Variants in UXS1 observed in about 807,000 individuals in gnomAD.
UXS1 encodes the protein UDP-glucuronate decarboxylase 1.
In UXS1, 33 loss-of-function variants were observed where a neutral mutation model predicts 62.6. The ratio of observed to expected loss-of-function variants is 0.53; its 90% CI spans 0.40 to 0.70. UXS1 has a LOEUF of 0.70. Among genes scored for constraint, UXS1 ranks in the 30% least tolerant of loss-of-function variants. UXS1 has a pLI of 0.00. For synonymous variants in UXS1, 213 were observed against 206.8 expected (o/e 1.03, Z -0.26); for missense variants, 434 against 556.3 (o/e 0.78, Z 2.21).
At chr2:106,182,580 G>T (rs532953585) in intron 1 of UXS1, among the ~76,000 whole-genome samples, 211 of 152,294 alleles carry the variant, frequency 1.4e-3, no homozygotes, top group African/African-American at 4.9e-3. Context: ...GAAAGAAGGT[G>T]AGAGAGGGAT....
intron 2 of UXS1, 31 bp downstream of exon 2, chr2:106,166,025 C>T: frequency 6.2e-7 from 1 of 1,603,982 alleles, no homozygotes; most frequent in East Asian, 2.2e-5. Context: ...TAAAATCCAA[C>T]CACAGTACCC....
chr2:106,130,422 C>A (rs568174531), intron 6 of UXS1, among the ~76,000 whole-genome samples: 9 of 152,284 alleles, frequency 5.9e-5, no homozygotes, highest in African/African-American at 2.2e-4. Flanking sequence ...CCTCGGGGAC[C>A]AACCTCTCCC....
At chr2:106,156,938 A>G (rs187187088) in intron 5 of UXS1, among the ~76,000 whole-genome samples, 1 of 152,370 alleles carries the variant, frequency 6.6e-6, no homozygotes, top group Admixed American at 6.5e-5. Context: ...ATACTGATAC[A>G]AGCTACAACA....
intron 1 of UXS1, among the ~76,000 whole-genome samples, chr2:106,171,520 G>A (rs1436887787): frequency 6.6e-6 from 1 of 152,172 alleles, no homozygotes; most frequent in African/African-American, 2.4e-5. Flanking sequence ...CCGAACAAAT[G>A]AAAAACCATC....
Position 106,129,702 on chromosome 2 carries a change from G to C in UXS1, c.549C>G (p.Thr183=). Residue 183 remains threonine, a synonymous_variant, in exon 7 of 15, where the codon ACC becomes ACG. Coordinates refer to ENST00000283148, the MANE Select transcript of UXS1 (RefSeq NM_001253875.2). ...ACATGTTTAATGTCCCAATCGTATTGGTCTTTAATGTCTTGATAGGATTAT... is the reference window on the plus strand; with the variant it reads ...ACATGTTTAATGTCCCAATCGTATTCGTCTTTAATGTCTTGATAGGATTAT... ...YMYNPIKTLK[T]NTIGTLNMLG... The C allele has an allele frequency of 6.2e-7, 1 of 1,612,026 alleles. No individual in the cohort carries two copies. The highest frequency in any genetic ancestry group is 1.3e-5 in the African/African-American group (1 of 74,992).
At chr2:106,099,676 G>C (rs1677424440) in intron 12 of UXS1, among the ~76,000 whole-genome samples, 1 of 152,172 alleles carries the variant, frequency 6.6e-6, no homozygotes. Flanking sequence ...GAAGAGCCTG[G>C]CTGCCCAGGG....
At chr2:106,153,125 A>G (rs1362074503) in intron 5 of UXS1, among the ~76,000 whole-genome samples, 1 of 152,206 alleles carries the variant, frequency 6.6e-6, no homozygotes, top group Non-Finnish European at 1.5e-5. Context: ...ATAAAAAGCT[A>G]AATCCGAGGC....
intron 1 of UXS1, among the ~76,000 whole-genome samples, chr2:106,191,509 A>G (rs1416682042): frequency 1.3e-5 from 2 of 152,140 alleles, no homozygotes; most frequent in Non-Finnish European, 2.9e-5. Flanking sequence ...CCTTATTAAC[A>G]CTGCCTCCAC....
At chr2:106,173,420 G>A (rs1683685966) in intron 1 of UXS1, among the ~76,000 whole-genome samples, 1 of 152,282 alleles carries the variant, frequency 6.6e-6, no homozygotes, top group Admixed American at 6.5e-5. Context: ...TGGGCATGGT[G>A]GCACACACCT....
chr2:106,094,069 G>C lies in UXS1; in HGVS notation c.1235C>G (p.Pro412Arg), dbSNP rs758535566. Reference protein sequence around the residue: ...YQANNQYIPKPKPARIKKGRT... With the variant: ...YQANNQYIPKRKPARIKKGRT... ...TCCTTTCTTTATTCTGGCAGGCTTT[G>C]GTTTGGGGATGTACTGATTATTTGC... Residue 412 changes from proline to arginine, a missense_variant, in exon 15 of 15, where the codon CCA (proline) becomes CGA (arginine). Pro to Arg is a moderately radical substitution (Grantham distance 103). Around this residue, in one of 3 missense-constraint regions of UXS1, gnomAD observed 209 missense variants for 233.3 expected, o/e 0.90. Transcript: ENST00000283148. The C allele has an allele frequency of 1.9e-6, 3 of 1,613,298 alleles. No individual in the cohort carries two copies. The highest frequency in any genetic ancestry group is 2.5e-6 in the Non-Finnish European group (3 of 1,179,772).
intron 10 of UXS1, among the ~76,000 whole-genome samples, chr2:106,108,551 T>C (rs951705341): frequency 6.6e-6 from 1 of 152,182 alleles, no homozygotes; most frequent in African/African-American, 2.4e-5. Context: ...AGCCTTCTCA[T>C]TGTTCTTCTA....
At chr2:106,192,766 T>G (rs553348439) in intron 1 of UXS1, among the ~76,000 whole-genome samples, 1 of 152,166 alleles carries the variant, frequency 6.6e-6, no homozygotes, top group African/African-American at 2.4e-5. Context: ...TTTCCTAATC[T>G]CTCTTGGCCT....
intron 1 of UXS1, among the ~76,000 whole-genome samples, chr2:106,186,254 G>A (rs1684541575): frequency 6.6e-6 from 1 of 152,140 alleles, no homozygotes; most frequent in Admixed American, 6.5e-5. Flanking sequence ...AAATGAAGCA[G>A]CATAGAGGCC....
intron 9 of UXS1, among the ~76,000 whole-genome samples, chr2:106,120,506 C>T (rs1573446963): frequency 1.3e-5 from 2 of 152,204 alleles, no homozygotes; most frequent in Admixed American, 6.5e-5. Flanking sequence ...GGGCCTTCCT[C>T]GGTGCCATTT....
chr2:106,125,810 G>T, intron 7 of UXS1, 131 bp from the exon 8 acceptor site: 1 of 658,086 alleles, frequency 1.5e-6, no homozygotes, highest in Non-Finnish European at 2.3e-6. Flanking sequence ...CCCTTACTGC[G>T]TCTGCTTTGG....
chr2:106,193,197 C>T (rs1203404656), intron 1 of UXS1, among the ~76,000 whole-genome samples: 1 of 152,136 alleles, frequency 6.6e-6, no homozygotes, highest in Non-Finnish European at 1.5e-5. Flanking sequence ...TACCCACTCA[C>T]CTCTGGAATC....
intron 4 of UXS1, chr2:106,160,444 G>C (rs766246953): frequency 2.6e-5 from 4 of 152,188 alleles, no homozygotes; most frequent in Non-Finnish European, 5.9e-5. Context: ...CACCTTCAGG[G>C]CTCCTTCTCT....
intron 6 of UXS1, among the ~76,000 whole-genome samples, chr2:106,136,378 G>T (rs1680638791): frequency 6.7e-6 from 1 of 149,100 alleles, no homozygotes; most frequent in South Asian, 2.2e-4. Flanking sequence ...TCTAGAACTA[G>T]AAACACCATT....
At chr2:106,096,637 A>G in intron 14 of UXS1, 81 bp downstream of exon 14, 1 of 1,327,516 alleles carries the variant, frequency 7.5e-7, no homozygotes, top group Non-Finnish European at 1.0e-6. Flanking sequence ...GCTGTCTGAC[A>G]AGGGTCAGTG....
Sources: gnomAD v4.1 joint callset for allele counts (sites outside exome capture counted in the v4.1 genomes callset) on GRCh38, gnomAD v4.1.1 for gene constraint, gnomAD v4.1.1 regional missense constraint, MANE v1.5 for transcripts, NCBI Gene and HGNC (gene_info 2026-07-23, HGNC 2026-07-21) for gene names.